Variants in CADPS observed in about 807,000 individuals in gnomAD.
CADPS encodes calcium-dependent secretion activator 1.
In CADPS, 57 loss-of-function variants were observed where a neutral mutation model predicts 167.3. The ratio of observed to expected loss-of-function variants is 0.34; its 90% confidence interval spans 0.28 to 0.42. The LOEUF (loss-of-function observed/expected upper bound fraction) is 0.42. Among genes scored for constraint, CADPS ranks in the 20% least tolerant of loss-of-function variants. The pLI is 1.00. For missense variants in CADPS, 1,414 were observed against 1,738.1 expected (o/e 0.81, Z 3.32); for synonymous variants, 676 against 635.3 (o/e 1.06, Z -0.96).
chr3:62,556,397 CT>C (rs1199322015), intron 10 of CADPS, among the ~76,000 whole-genome samples: 1 of 152,228 alleles, frequency 6.6e-6, no homozygotes, highest in Admixed American at 6.5e-5. Flanking sequence ...GGCCCAAGGC[CT>C]TCCCTGCCAC....
At chr3:62,726,830 AAC>A (rs2076834762) in intron 3 of CADPS, among the ~76,000 whole-genome samples, 1 of 151,896 alleles carries the variant, frequency 6.6e-6, no homozygotes, top group Non-Finnish European at 1.5e-5. Flanking sequence ...AACTTTCCAC[AAC>A]AGAGTCAAGT....
At chr3:62,664,416 A>T (rs1279818526) in intron 3 of CADPS, among the ~76,000 whole-genome samples, 1 of 152,230 alleles carries the variant, frequency 6.6e-6, no homozygotes, top group Admixed American at 6.5e-5. Context: ...ACCACCCAAA[A>T]GCAGTCACAT....
chr3:62,745,544 T>A (rs1314198378), intron 3 of CADPS, among the ~76,000 whole-genome samples: 1 of 152,196 alleles, frequency 6.6e-6, no homozygotes, highest in Non-Finnish European at 1.5e-5. Flanking sequence ...ATCAACCTTG[T>A]CTTGGAACAG....
In CADPS at chr3:62,571,052, A is replaced by G. The variant is rs868577311; in HGVS notation, c.1578-114T>C. The G allele has an allele frequency of 2.7e-5, 20 of 739,980 alleles. No homozygotes were observed. The South Asian group carries it at 3.0e-4, about 11-fold the overall frequency. The allele number at this position is 739,980 out of a possible 1,614,324, so 45.8% of individuals were successfully genotyped here. A position where few individuals can be genotyped will look rare whatever the true frequency, so the allele number is the denominator to read the frequency against. On this transcript the variant is annotated intron_variant, in intron 8 of 29. Transcript: ENST00000383710. ...AACAAGGAAACGCACATGGCTCAGGAACGGGGCGCAGATTTTGGAGCTCTG... is the reference window on the plus strand; with the variant it reads ...AACAAGGAAACGCACATGGCTCAGGGACGGGGCGCAGATTTTGGAGCTCTG...
chr3:62,473,694 C>CT lies in CADPS; in HGVS notation c.3477+478dup, dbSNP rs1200271307. On this transcript the variant is annotated intron_variant, in intron 24 of 29. Coordinates refer to ENST00000383710, the MANE Select transcript of CADPS (RefSeq NM_003716.4). Reference sequence around the variant, plus strand: ...ATTGAAAGTCTGCAATTTTTTTTTTCTTTTTTTTTTTTGGAAATTCAGAAC... The same window carrying CT: ...ATTGAAAGTCTGCAATTTTTTTTTTCTTTTTTTTTTTTTGGAAATTCAGAAC... The CT allele has an allele frequency of 4.1e-3, 575 of 140,028 alleles. 1 individual carries two copies. The highest frequency in any genetic ancestry group is 0.01 in the African/African-American group (384 of 38,280). 8.7% of individuals were successfully genotyped at this position (140,028 alleles called of 1,614,324 possible).
chr3:62,664,675 G>C (rs1398946260), intron 3 of CADPS, among the ~76,000 whole-genome samples: 2 of 152,222 alleles, frequency 1.3e-5, no homozygotes, highest in Admixed American at 6.5e-5. Context: ...TTTGGTTATT[G>C]TCTAAAGTTG....
chr3:62,861,935 C>T (rs1045403534), intron 1 of CADPS, among the ~76,000 whole-genome samples: 3 of 152,140 alleles, frequency 2.0e-5, no homozygotes, highest in Non-Finnish European at 4.4e-5. Context: ...ACTGCTATCA[C>T]TTGATCTCAG....
At position 62,601,134 on chromosome 3, in the gene CADPS, G is replaced by A. The variant is rs972629437; in HGVS notation, c.1326-8386C>T. Among the ~76,000 whole-genome samples, 5 of 152,196 alleles carry A rather than the reference G, an allele frequency of 3.3e-5. No individual in the cohort carries two copies. The highest frequency in any genetic ancestry group is 1.2e-4 in the African/African-American group (5 of 41,444). The stretch of plus-strand genomic sequence containing the variant: ...AAACTATGGCCATGGGTATGGGTCT[G>A]CTTATGTATGGCTCATAAGCTAATA... On this transcript the variant is annotated intron_variant, in intron 6 of 29. Transcript: ENST00000383710. The surrounding 1 kb of genome is among the most constrained non-coding windows in gnomAD (Gnocchi z 4.3).
chr3:62,771,348 C>T (rs1447719547), intron 1 of CADPS, among the ~76,000 whole-genome samples: 1 of 152,172 alleles, frequency 6.6e-6, no homozygotes, highest in East Asian at 1.9e-4. Flanking sequence ...ATCGCATACT[C>T]ATCTTTGACT....
intron 6 of CADPS, among the ~76,000 whole-genome samples, chr3:62,604,709 G>C (rs1211412764): frequency 6.6e-6 from 1 of 152,214 alleles, no homozygotes; most frequent in Non-Finnish European, 1.5e-5. Context: ...GTTGTAAAAG[G>C]AGGTGAGATT....
intron 3 of CADPS, among the ~76,000 whole-genome samples, chr3:62,725,416 C>T (rs956041597): frequency 2.2e-4 from 34 of 152,168 alleles, no homozygotes; most frequent in African/African-American, 4.3e-4. Context: ...GTCTTCAGCC[C>T]GGATCAATTA....
intron 1 of CADPS, among the ~76,000 whole-genome samples, chr3:62,869,494 A>T (rs2082256194): frequency 6.6e-6 from 1 of 152,140 alleles, no homozygotes; most frequent in South Asian, 2.1e-4. Context: ...ATGCTTACTC[A>T]AATGAAATTA....
At chr3:62,450,429 G>A (rs2057865126) in intron 26 of CADPS, among the ~76,000 whole-genome samples, 1 of 152,208 alleles carries the variant, frequency 6.6e-6, no homozygotes, top group South Asian at 2.1e-4. Flanking sequence ...AGGGGGTAGG[G>A]CTTGCCCCAG....
At chr3:62,434,957 T>C (rs2054685793) in intron 28 of CADPS, among the ~76,000 whole-genome samples, 1 of 152,082 alleles carries the variant, frequency 6.6e-6, no homozygotes, top group South Asian at 2.1e-4. Context: ...AACATGCCTC[T>C]GAATGACAGA....
chr3:62,600,231 C>T (rs2059762511), intron 6 of CADPS, among the ~76,000 whole-genome samples: 1 of 151,100 alleles, frequency 6.6e-6, no homozygotes, highest in Non-Finnish European at 1.5e-5. Flanking sequence ...ACTCAGCATG[C>T]AACAGCTCTC....
At chr3:62,650,604 A>G (rs1241868155) in intron 5 of CADPS, among the ~76,000 whole-genome samples, 1 of 152,234 alleles carries the variant, frequency 6.6e-6, no homozygotes, top group Non-Finnish European at 1.5e-5. Context: ...GCACTGTTTT[A>G]AGACAGAAAG....
chr3:62,517,156 C>T (rs1248291891), intron 14 of CADPS, among the ~76,000 whole-genome samples: 1 of 152,062 alleles, frequency 6.6e-6, no homozygotes, highest in African/African-American at 2.4e-5. Flanking sequence ...ATGCATTTTA[C>T]ATATAGTGTG....
chr3:62,518,783 T>C (rs950694291), intron 13 of CADPS, among the ~76,000 whole-genome samples: 6 of 152,112 alleles, frequency 3.9e-5, no homozygotes, highest in African/African-American at 1.4e-4. Context: ...AAAATTCCTA[T>C]GAAAATCAGG....
intron 1 of CADPS, among the ~76,000 whole-genome samples, chr3:62,864,574 T>C (rs1257765547): frequency 6.6e-6 from 1 of 152,172 alleles, no homozygotes. Flanking sequence ...TGTAGAAGCA[T>C]CACCCCAATC....
Sources: gnomAD v4.1 joint callset for allele counts (sites outside exome capture counted in the v4.1 genomes callset) on GRCh38, gnomAD v4.1.1 for gene constraint, Gnocchi (gnomAD v3.1) non-coding constraint, MANE v1.5 for transcripts, NCBI Gene and HGNC (gene_info 2026-07-23, HGNC 2026-07-21) for gene names.